CTNNA2: variants seen among roughly 807,000 people sequenced by gnomAD.
The protein encoded by CTNNA2 is catenin alpha-2.
A neutral mutation model predicts 101.0 loss-of-function variants in CTNNA2; 42 were observed. The ratio of observed to expected loss-of-function variants is 0.42; its 90% CI spans 0.32 to 0.54. The LOEUF (loss-of-function observed/expected upper bound fraction) is 0.54, where lower values mean the gene tolerates loss of function less well. CTNNA2 is among the 20% of genes least tolerant of loss of function. CTNNA2 has a pLI of 0.14. For synonymous variants in CTNNA2, 450 were observed against 456.4 expected (o/e 0.99, Z 0.18); for missense variants, 871 against 1,223.1 (o/e 0.71, Z 4.29).
chr2:80,433,023 T>A (rs1289384291), intron 9 of CTNNA2, among the ~76,000 whole-genome samples: 1 of 152,016 alleles, frequency 6.6e-6, no homozygotes, highest in Non-Finnish European at 1.5e-5. Flanking sequence ...ACTTTATGGA[T>A]CAATAGTTTT....
intron 7 of CTNNA2, among the ~76,000 whole-genome samples, chr2:79,941,545 T>C (rs772044382): frequency 3.9e-5 from 6 of 152,218 alleles, no homozygotes; most frequent in Non-Finnish European, 5.9e-5. Context: ...TAGATTTCTA[T>C]AGGTGGGCTA....
intron 3 of CTNNA2, among the ~76,000 whole-genome samples, chr2:79,779,161 G>A (rs528849016): frequency 6.6e-5 from 10 of 151,200 alleles, no homozygotes; most frequent in South Asian, 2.1e-4. Context: ...TGTGTGTCTT[G>A]TAATTTGAAA....
At chr2:80,087,506 T>A (rs1699519188) in intron 7 of CTNNA2, among the ~76,000 whole-genome samples, 1 of 151,944 alleles carries the variant, frequency 6.6e-6, no homozygotes, top group Non-Finnish European at 1.5e-5. Flanking sequence ...TCTTGTGAAG[T>A]GGGTCTGAGG....
chr2:79,266,826 A>C (rs559036315), intron 2 of CTNNA2, among the ~76,000 whole-genome samples: 1 of 152,206 alleles, frequency 6.6e-6, no homozygotes, highest in East Asian at 1.9e-4. Context: ...GGAAGAAAAC[A>C]TAGGCTTAGG....
chr2:79,896,613 A>G (rs897982304), intron 6 of CTNNA2, among the ~76,000 whole-genome samples: 6 of 152,214 alleles, frequency 3.9e-5, no homozygotes, highest in African/African-American at 1.2e-4. Flanking sequence ...CCGACCTATA[A>G]GGAAAGCATC....
At chr2:80,260,101 T>C (rs1672488531) in intron 7 of CTNNA2, among the ~76,000 whole-genome samples, 1 of 152,210 alleles carries the variant, frequency 6.6e-6, no homozygotes, top group African/African-American at 2.4e-5. Context: ...TCCGACATTA[T>C]TGTGAAGACT....
chr2:80,157,042 A>G (rs1371593856), intron 7 of CTNNA2, among the ~76,000 whole-genome samples: 1 of 152,194 alleles, frequency 6.6e-6, no homozygotes, highest in Non-Finnish European at 1.5e-5. Context: ...CTGGTGGTAT[A>G]GGACAGATCA....
At chr2:80,252,659 G>A (rs944726059) in intron 7 of CTNNA2, among the ~76,000 whole-genome samples, 3 of 152,154 alleles carry the variant, frequency 2.0e-5, no homozygotes, top group African/African-American at 4.8e-5. Flanking sequence ...ATGGATCTGG[G>A]CAGATGGAAA....
intron 2 of CTNNA2, among the ~76,000 whole-genome samples, chr2:79,740,020 CTTTTA>C (rs750109324): frequency 6.6e-5 from 10 of 152,040 alleles, no homozygotes; most frequent in Non-Finnish European, 1.2e-4. Context: ...TTTAATTTAA[CTTTTA>C]TTTTAAGTTC....
At chr2:80,194,074 A>G (rs1158203476) in intron 7 of CTNNA2, among the ~76,000 whole-genome samples, 3 of 152,230 alleles carry the variant, frequency 2.0e-5, no homozygotes, top group Non-Finnish European at 4.4e-5. Context: ...GGTTATCTTT[A>G]GACTGGTAAT....
intron 3 of CTNNA2, among the ~76,000 whole-genome samples, chr2:79,762,524 A>G (rs1672863471): frequency 6.6e-6 from 1 of 152,216 alleles, no homozygotes; most frequent in Non-Finnish European, 1.5e-5. Context: ...ATTCTGGGTC[A>G]GAATCCCTTT....
intron 7 of CTNNA2, among the ~76,000 whole-genome samples, chr2:79,981,028 C>A (rs769135711): frequency 6.6e-6 from 1 of 151,808 alleles, no homozygotes; most frequent in Non-Finnish European, 1.5e-5. Context: ...GTGGTTGATG[C>A]GGCTCATTTA....
intron 7 of CTNNA2, among the ~76,000 whole-genome samples, chr2:79,995,481 A>T (rs1692475837): frequency 6.6e-6 from 1 of 152,274 alleles, no homozygotes; most frequent in East Asian, 1.9e-4. Flanking sequence ...ACAGAAGAAT[A>T]AAATAACCTG....
chr2:79,854,524 G>A (rs1680977158), intron 3 of CTNNA2, among the ~76,000 whole-genome samples: 1 of 152,172 alleles, frequency 6.6e-6, no homozygotes, highest in Non-Finnish European at 1.5e-5. Context: ...TCTGAACCCA[G>A]GTCAATGTGA....
chr2:80,453,067 A>T (rs1426753432), intron 9 of CTNNA2, among the ~76,000 whole-genome samples: 1 of 152,024 alleles, frequency 6.6e-6, no homozygotes, highest in Non-Finnish European at 1.5e-5. Flanking sequence ...ACCCAGTGGG[A>T]ATTTGTTAAG....
chr2:80,519,312 AAC>A (rs1271303312), intron 9 of CTNNA2, among the ~76,000 whole-genome samples: 2 of 152,200 alleles, frequency 1.3e-5, no homozygotes, highest in Non-Finnish European at 2.9e-5. Context: ...GAAACAATAA[AAC>A]ACAGAAACGC....
At chr2:79,597,248 T>G (rs1247154516) in intron 1 of CTNNA2, among the ~76,000 whole-genome samples, 2 of 151,974 alleles carry the variant, frequency 1.3e-5, no homozygotes, top group Non-Finnish European at 2.9e-5. Context: ...CCAGGCGGCA[T>G]GATCACAAGG....
intron 2 of CTNNA2, among the ~76,000 whole-genome samples, chr2:79,291,331 C>T (rs1223001380): frequency 6.6e-6 from 1 of 152,148 alleles, no homozygotes; most frequent in African/African-American, 2.4e-5. Flanking sequence ...AGGTGTATGT[C>T]AGTCTCAGAC....
chr2:80,015,312 A>T (rs909556463), intron 7 of CTNNA2, among the ~76,000 whole-genome samples: 2 of 152,058 alleles, frequency 1.3e-5, no homozygotes, highest in Non-Finnish European at 2.9e-5. Context: ...AACCAACCCA[A>T]TGCTATAATT....
Sources: gnomAD v4.1 joint callset for allele counts (sites outside exome capture counted in the v4.1 genomes callset) on GRCh38, gnomAD v4.1.1 for gene constraint, MANE v1.5 for transcripts, NCBI Gene and HGNC (gene_info 2026-07-23, HGNC 2026-07-21) for gene names.